Variants in ARNT2 observed in about 807,000 individuals in gnomAD.
ARNT2 encodes the protein aryl hydrocarbon receptor nuclear translocator 2, also known as ARNT protein 2.
Under a neutral mutation model 91.7 loss-of-function variants are expected in ARNT2, and 36 were observed. The observed-to-expected ratio is 0.39, with a 90% CI of 0.30 to 0.52. The LOEUF (loss-of-function observed/expected upper bound fraction) is 0.52. Among genes scored for constraint, ARNT2 ranks in the 20% least tolerant of loss-of-function variants. The probability of loss-of-function intolerance (pLI) is 0.72; values close to 1 mark genes in which losing one functional copy is unlikely to be tolerated. For missense variants in ARNT2, 775 were observed against 939.3 expected (o/e 0.83, Z 2.29); for synonymous variants, 365 against 347.1 (o/e 1.05, Z -0.57).
chr15:80,513,800 C>G, intron 6 of ARNT2, 111 bp from the exon 7 acceptor site: 1 of 914,034 alleles, frequency 1.1e-6, no homozygotes, highest in Non-Finnish European at 1.8e-6. Flanking sequence ...TAGGCGTCAC[C>G]TGAATAAATG....
chr15:80,492,820 T>C (rs1334847672), intron 5 of ARNT2, among the ~76,000 whole-genome samples: 4 of 152,356 alleles, frequency 2.6e-5, no homozygotes, highest in African/African-American at 9.6e-5. Context: ...TCTGAAATCA[T>C]GTTTTTCATC....
At chr15:80,432,585 G>A (rs184182897) in intron 1 of ARNT2, among the ~76,000 whole-genome samples, 5 of 152,168 alleles carry the variant, frequency 3.3e-5, no homozygotes, top group Admixed American at 2.0e-4. Context: ...GAGACCTTAT[G>A]GCCTTCAAAG....
At chr15:80,405,027 G>T (rs1375837979) in intron 1 of ARNT2, among the ~76,000 whole-genome samples, 2 of 150,910 alleles carry the variant, frequency 1.3e-5, no homozygotes. Context: ...CGCCCACTAA[G>T]CGCTGGTCCT....
At chr15:80,569,703 C>A (rs1317779361) in intron 12 of ARNT2, among the ~76,000 whole-genome samples, 1 of 152,250 alleles carries the variant, frequency 6.6e-6, no homozygotes, top group East Asian at 1.9e-4. Flanking sequence ...CAAAGAGGAA[C>A]AGAACTGAAA....
chr15:80,484,847 G>C (rs978972122), intron 5 of ARNT2, among the ~76,000 whole-genome samples: 2 of 152,208 alleles, frequency 1.3e-5, no homozygotes, highest in African/African-American at 2.4e-5. Flanking sequence ...GGGAGGCAGC[G>C]GGGGAGTGGA....
At chr15:80,586,878 T>TCTGGAGTG (rs934080823) in intron 17 of ARNT2, among the ~76,000 whole-genome samples, 2 of 150,862 alleles carry the variant, frequency 1.3e-5, no homozygotes, top group African/African-American at 4.9e-5. Flanking sequence ...TTCAAAAATA[T>TCTGGAGTG]CTGGAGTGAG....
chr15:80,428,812 G>A (rs1017348031), intron 1 of ARNT2, among the ~76,000 whole-genome samples: 5 of 152,148 alleles, frequency 3.3e-5, no homozygotes, highest in African/African-American at 7.2e-5. Context: ...TCATATCCAC[G>A]TCTGGTCTCT....
At chr15:80,491,454 G>A (rs1277155450) in intron 5 of ARNT2, among the ~76,000 whole-genome samples, 1 of 152,078 alleles carries the variant, frequency 6.6e-6, no homozygotes, top group Middle Eastern at 3.2e-3. Context: ...ACCTCCCACC[G>A]GATCCCTTCA....
intron 8 of ARNT2, 94 bp downstream of exon 8, chr15:80,514,499 T>C: frequency 1.9e-6 from 2 of 1,044,894 alleles, no homozygotes; most frequent in Non-Finnish European, 2.9e-6. Context: ...TAGGAATAGG[T>C]AGGAAAATAT....
intron 10 of ARNT2, 74 bp from the exon 11 acceptor site, chr15:80,554,991 C>A (rs1566999786): frequency 4.1e-6 from 6 of 1,451,842 alleles, no homozygotes; most frequent in Admixed American, 1.7e-5. Context: ...GAAATGAACA[C>A]TGTTGTATCA....
At chr15:80,549,447 C>G (rs1289815389) in intron 8 of ARNT2, among the ~76,000 whole-genome samples, 2 of 152,082 alleles carry the variant, frequency 1.3e-5, no homozygotes, top group Non-Finnish European at 2.9e-5. Context: ...AGAACATATT[C>G]ATAACATATA....
At chr15:80,470,149 T>C in intron 3 of ARNT2, 69 bp from the exon 4 acceptor site, 1 of 1,450,310 alleles carries the variant, frequency 6.9e-7, no homozygotes, top group Non-Finnish European at 9.5e-7. Flanking sequence ...TTTTATCCCA[T>C]TAGATAGTAA....
rs1895931508 is a variant in ARNT2 at position 80,426,322 on chromosome 15, A to G, written c.31+21776A>G. 2.0e-5 allele frequency among the ~76,000 whole-genome samples: 3 copies of G among 152,220 alleles called. No homozygotes were observed. In the South Asian group the frequency reaches 6.2e-4, roughly 31 times the overall value. On this transcript the variant is annotated intron_variant, in intron 1 of 18. Coordinates refer to ENST00000303329, the MANE Select transcript of ARNT2 (RefSeq NM_014862.4). ...AGATCTTCGCTGCTTGTTGAGATAAATGTGGATTGCTGGTAGCTTCTTAAC... is the reference window on the plus strand; with the variant it reads ...AGATCTTCGCTGCTTGTTGAGATAAGTGTGGATTGCTGGTAGCTTCTTAAC...
chr15:80,444,353 G>A (rs201402762), intron 1 of ARNT2: 1,947 of 113,626 alleles, frequency 0.017, 79 homozygotes, highest in East Asian at 0.16. Context: ...TTGTGTGTAC[G>A]TGGTGTGTGT....
intron 1 of ARNT2, among the ~76,000 whole-genome samples, chr15:80,417,515 C>A (rs1045920419): frequency 3.3e-5 from 5 of 151,778 alleles, no homozygotes; most frequent in Non-Finnish European, 7.4e-5. Context: ...CCCATCCCCC[C>A]TCTGCTTCTT....
intron 4 of ARNT2, among the ~76,000 whole-genome samples, chr15:80,472,140 C>T (rs1357438760): frequency 1.3e-5 from 2 of 151,868 alleles, no homozygotes; most frequent in Non-Finnish European, 2.9e-5. Context: ...TGAAATAATA[C>T]AGTTGTCAGG....
chr15:80,534,988 AC>A (rs1329057095), intron 8 of ARNT2, among the ~76,000 whole-genome samples: 1 of 152,150 alleles, frequency 6.6e-6, no homozygotes, highest in East Asian at 1.9e-4. Flanking sequence ...TTATTCAGAG[AC>A]CCAACAAATC....
At chr15:80,428,484 T>C (rs1480622776) in intron 1 of ARNT2, among the ~76,000 whole-genome samples, 2 of 152,186 alleles carry the variant, frequency 1.3e-5, no homozygotes, top group African/African-American at 4.8e-5. Flanking sequence ...TACACAGTAA[T>C]TGTGCAGGAA....
At chr15:80,519,179 G>A (rs1384536902) in intron 8 of ARNT2, among the ~76,000 whole-genome samples, 5 of 152,126 alleles carry the variant, frequency 3.3e-5, no homozygotes, top group South Asian at 2.1e-4. Flanking sequence ...AAATGACCAC[G>A]GCAAGTCTCA....
Sources: gnomAD v4.1 joint callset for allele counts (sites outside exome capture counted in the v4.1 genomes callset) on GRCh38, gnomAD v4.1.1 for gene constraint, MANE v1.5 for transcripts, NCBI Gene and HGNC (gene_info 2026-07-23, HGNC 2026-07-21) for gene names.